Variants in RAP1GAP2 observed in about 807,000 individuals in gnomAD.
RAP1GAP2 encodes the protein RAP1 GTPase activating protein 2, also known as rap1 GTPase-activating protein 2.
A neutral mutation model predicts 95.0 loss-of-function variants in RAP1GAP2; 27 were observed. That is an observed-to-expected ratio of 0.28 (90% CI 0.21 to 0.39). The LOEUF (loss-of-function observed/expected upper bound fraction) is 0.39. Among genes scored for constraint, RAP1GAP2 ranks in the 10% least tolerant of loss-of-function variants. The probability of loss-of-function intolerance (pLI) is 1.00; values close to 1 mark genes in which losing one functional copy is unlikely to be tolerated. For synonymous variants in RAP1GAP2, 373 were observed against 380.9 expected, an observed-to-expected ratio of 0.98 and a Z score of 0.24; for missense variants, 771 against 970.0, an observed-to-expected ratio of 0.79 and a Z score of 2.72.
chr17:2,854,535 T>C (rs1597445379), intron 2 of RAP1GAP2, among the ~76,000 whole-genome samples: 1 of 152,238 alleles, frequency 6.6e-6, no homozygotes, highest in African/African-American at 2.4e-5. Context: ...CTGCGCTCGG[T>C]GCCGGCAGGC....
chr17:3,026,578 G>A lies in RAP1GAP2; in HGVS notation c.1980+114G>A, dbSNP rs185783944. 3,114 of 948,586 alleles carry A rather than the reference G, an allele frequency of 3.3e-3. 7 individuals are homozygous for A. The highest frequency in any genetic ancestry group is 4.2e-3 in the Non-Finnish European group (2,707 of 645,980). 58.8% of individuals were successfully genotyped at this position (948,586 alleles called of 1,614,324 possible). A position where few individuals can be genotyped will look rare whatever the true frequency, so the allele number is the denominator to read the frequency against. ...CCCATGTCAGTCTTTGCAGAGGAAA[G>A]GGGAAGAATGGAAACGAGAGGTGGG... On this transcript the variant is annotated intron_variant, in intron 21 of 24. Transcript: ENST00000254695.
chr17:2,983,306 G>A (rs1222473762), intron 10 of RAP1GAP2, among the ~76,000 whole-genome samples: 1 of 151,770 alleles, frequency 6.6e-6, no homozygotes, highest in African/African-American at 2.4e-5. Context: ...CAGAAAGTGT[G>A]CCACGGTAAT....
At chr17:3,012,931 G>A (rs998942271) in intron 17 of RAP1GAP2, among the ~76,000 whole-genome samples, 1 of 152,216 alleles carries the variant, frequency 6.6e-6, no homozygotes, top group Non-Finnish European at 1.5e-5. Flanking sequence ...CTGTACCGAC[G>A]TCAGATGGAC....
chr17:2,852,848 C>T (rs1029201083), intron 2 of RAP1GAP2, among the ~76,000 whole-genome samples: 1 of 152,164 alleles, frequency 6.6e-6, no homozygotes, highest in African/African-American at 2.4e-5. Flanking sequence ...AGGGACCAGG[C>T]CACAGCCCTT....
intron 2 of RAP1GAP2, among the ~76,000 whole-genome samples, chr17:2,893,686 G>A (rs974272192): frequency 6.6e-6 from 1 of 152,232 alleles, no homozygotes; most frequent in Non-Finnish European, 1.5e-5. Context: ...TGCGCTGGCT[G>A]CCTCTGCTCT....
upstream of RAP1GAP2, among the ~76,000 whole-genome samples, chr17:2,793,593 G>A (rs1203617298): frequency 6.6e-6 from 1 of 152,240 alleles, no homozygotes; most frequent in Non-Finnish European, 1.5e-5. Flanking sequence ...TGCTGTCAGC[G>A]GCGGGAGGCC....
chr17:2,872,590 G>A (rs748852739), intron 2 of RAP1GAP2, among the ~76,000 whole-genome samples: 1 of 152,108 alleles, frequency 6.6e-6, no homozygotes, highest in Non-Finnish European at 1.5e-5. Context: ...CCGCAGTCAT[G>A]CGCGAGGGCC....
upstream of RAP1GAP2, among the ~76,000 whole-genome samples, chr17:2,774,969 C>G (rs535613568): frequency 6.7e-5 from 10 of 150,252 alleles, no homozygotes; most frequent in East Asian, 2.0e-3. Flanking sequence ...TACAGGCATG[C>G]GCCAATATGC....
In RAP1GAP2 at chr17:3,020,497, G is replaced by T. The variant is rs778387873; in HGVS notation, c.1653G>T (p.Thr551=). 2 of 1,613,654 alleles carry T rather than the reference G, an allele frequency of 1.2e-6. No individual in the cohort carries two copies. Among genetic ancestry groups the T allele is most frequent in the African/African-American group, 2.7e-5 (2 of 74,928 alleles). ...GACAGCCTCCAGTGGTGGCGGCAAC[G>T]GTGAAGAACCAGTCACGGAGTCCCA... The part of the protein sequence containing the change: ...TTFSPPVVAA[T]VKNQSRSPIK... The change falls in exon 19 of 25, where the codon ACG becomes ACT. Residue 551 remains threonine (T), a synonymous_variant. Coordinates refer to ENST00000254695, the MANE Select transcript of RAP1GAP2 (RefSeq NM_015085.5).
chr17:2,951,159 A>C (rs1358941945), intron 3 of RAP1GAP2, among the ~76,000 whole-genome samples: 1 of 152,094 alleles, frequency 6.6e-6, no homozygotes, highest in Non-Finnish European at 1.5e-5. Context: ...CTCCCATCTG[A>C]TCTTCAGGAT....
chr17:2,788,109 T>C (rs2151459375), intron 1 of RAP1GAP2, among the ~76,000 whole-genome samples: 1 of 152,342 alleles, frequency 6.6e-6, no homozygotes, highest in Non-Finnish European at 1.5e-5. Flanking sequence ...AATAAATTTC[T>C]AAAAACAAAA....
Position 3,032,315 on chromosome 17 carries a change from C to T in RAP1GAP2, c.2185-96C>T, listed in dbSNP as rs893457478. ...GGGGTCCTGAATCCCTTCCTGAGCT[C>T]ACCAGACTGTTGAGAGCTGAGTGCA... On this transcript the variant is annotated intron_variant, in intron 23 of 24. Transcript: ENST00000254695. The T allele has an allele frequency of 1.2e-5, 17 of 1,422,980 alleles. No homozygotes were observed. The East Asian group carries it at 3.7e-4, about 31-fold the overall frequency. 88.1% of individuals were successfully genotyped at this position (1,422,980 alleles called of 1,614,324 possible). A position where few individuals can be genotyped will look rare whatever the true frequency, so the allele number is the denominator to read the frequency against.
At chr17:2,801,646 T>A (rs957707874) in intron 2 of RAP1GAP2, among the ~76,000 whole-genome samples, 30 of 121,906 alleles carry the variant, frequency 2.5e-4, no homozygotes, top group South Asian at 5.5e-4. Context: ...TGTGTGTGTG[T>A]GTGATGTCAG....
At chr17:2,769,486 C>T (rs1170393999) in intron 1 of RAP1GAP2, among the ~76,000 whole-genome samples, 1 of 149,572 alleles carries the variant, frequency 6.7e-6, no homozygotes, top group Middle Eastern at 3.8e-3. Context: ...ACCTGGAAGG[C>T]GGAGCTTGCA....
At chr17:2,992,350 C>CG (rs1484394354) in intron 12 of RAP1GAP2, among the ~76,000 whole-genome samples, 1 of 151,898 alleles carries the variant, frequency 6.6e-6, no homozygotes, top group African/African-American at 2.4e-5. Context: ...TTGGTAGAGA[C>CG]GGGGTTTCAC....
At chr17:2,993,948 G>A (rs1464783436) in intron 12 of RAP1GAP2, among the ~76,000 whole-genome samples, 1 of 151,886 alleles carries the variant, frequency 6.6e-6, no homozygotes, top group Non-Finnish European at 1.5e-5. Context: ...GGCAGGCTGA[G>A]GCGAGGAGGA....
chr17:2,779,489 C>T (rs1042156901), intron 1 of RAP1GAP2, among the ~76,000 whole-genome samples: 1 of 152,144 alleles, frequency 6.6e-6, no homozygotes, highest in Non-Finnish European at 1.5e-5. Context: ...CTGGTCAGTT[C>T]CTCTAGGGCT....
intron 11 of RAP1GAP2, 120 bp downstream of exon 11, chr17:2,985,186 G>T: frequency 2.0e-6 from 3 of 1,512,356 alleles, no homozygotes; most frequent in Non-Finnish European, 2.7e-6. Context: ...GAATACAACG[G>T]TCACATTTAA....
At chr17:2,793,213 G>A (rs550000620), upstream of RAP1GAP2, among the ~76,000 whole-genome samples, 27 of 151,642 alleles carry the variant, frequency 1.8e-4, no homozygotes, top group Non-Finnish European at 3.2e-4. Flanking sequence ...GAGTGCAGTG[G>A]CGTGATCTTG....
Sources: gnomAD v4.1 joint callset for allele counts (sites outside exome capture counted in the v4.1 genomes callset) on GRCh38, gnomAD v4.1.1 for gene constraint, MANE v1.5 for transcripts, NCBI Gene and HGNC (gene_info 2026-07-23, HGNC 2026-07-21) for gene names.